The following SAMD3 variants were observed in gnomAD, a reference collection of about 807,000 sequenced individuals.
SAMD3 encodes the protein sterile alpha motif domain-containing protein 3.
A neutral mutation model predicts 58.5 loss-of-function variants in SAMD3; 63 were observed. That is an observed-to-expected ratio of 1.08 (90% CI 0.88 to 1.33). SAMD3 has a LOEUF of 1.33. SAMD3 is among the 40% of genes most tolerant of loss of function. The pLI, the probability that SAMD3 is intolerant of heterozygous loss-of-function variation, is 0.00. For missense variants in SAMD3, 604 were observed against 608.4 expected (o/e 0.99, Z 0.08); for synonymous variants, 220 against 210.3 (o/e 1.05, Z -0.40).
chr6:130,145,840 GA>G (rs1788571323), intron 10 of SAMD3, among the ~76,000 whole-genome samples, 169 bp downstream of exon 10: 1 of 151,066 alleles, frequency 6.6e-6, no homozygotes, highest in Non-Finnish European at 1.5e-5. Flanking sequence ...CTTAAATATT[GA>G]AAATTATTAT....
At chr6:130,154,058 TAAC>T (rs1379651081) in intron 9 of SAMD3, among the ~76,000 whole-genome samples, 2 of 151,960 alleles carry the variant, frequency 1.3e-5, no homozygotes, top group African/African-American at 2.4e-5. Flanking sequence ...GGATGCATAA[TAAC>T]AGTTCCTTAA....
At chr6:130,312,413 T>G (rs1350369505) in intron 2 of SAMD3, among the ~76,000 whole-genome samples, 1 of 152,198 alleles carries the variant, frequency 6.6e-6, no homozygotes, top group Non-Finnish European at 1.5e-5. Flanking sequence ...CGGTGCTCTT[T>G]CCTCCTCAGG....
chr6:130,169,374 T>C (rs1199580056), intron 8 of SAMD3, among the ~76,000 whole-genome samples: 1 of 152,078 alleles, frequency 6.6e-6, no homozygotes, highest in Non-Finnish European at 1.5e-5. Context: ...TTACAGAACA[T>C]GAGAGCATAA....
chr6:130,299,578 C>T (rs939676293), intron 2 of SAMD3, among the ~76,000 whole-genome samples: 9 of 151,832 alleles, frequency 5.9e-5, no homozygotes, highest in Non-Finnish European at 1.3e-4. Context: ...AAAGCAAACA[C>T]AAAGCTAACA....
At chr6:130,355,685 G>T (rs1777807601) in intron 1 of SAMD3, among the ~76,000 whole-genome samples, 1 of 152,122 alleles carries the variant, frequency 6.6e-6, no homozygotes, top group Admixed American at 6.5e-5. Flanking sequence ...TGCTTCAGTG[G>T]GGTAGTCCCC....
At chr6:130,259,423 G>A (rs1054895700) in intron 2 of SAMD3, among the ~76,000 whole-genome samples, 13 of 152,126 alleles carry the variant, frequency 8.5e-5, no homozygotes, top group Non-Finnish European at 1.8e-4. Context: ...GGGAATGAAT[G>A]CAGTGAGAAC....
intron 5 of SAMD3, among the ~76,000 whole-genome samples, chr6:130,195,566 C>G (rs1230029312): frequency 6.6e-6 from 1 of 152,174 alleles, no homozygotes; most frequent in Non-Finnish European, 1.5e-5. Context: ...CTCTACAACC[C>G]ATTATTCTGT....
At chr6:130,220,294 T>C (rs1042302514) in intron 1 of SAMD3, among the ~76,000 whole-genome samples, 4 of 152,182 alleles carry the variant, frequency 2.6e-5, no homozygotes, top group African/African-American at 9.7e-5. Flanking sequence ...GCCACTAGCC[T>C]GGCCAATTTT....
chr6:130,331,395 G>C (rs1452040544), intron 1 of SAMD3, among the ~76,000 whole-genome samples: 1 of 152,170 alleles, frequency 6.6e-6, no homozygotes, highest in Non-Finnish European at 1.5e-5. Context: ...GAGTTGATGA[G>C]GAAAGTCATA....
rs992237836 is a variant in SAMD3, at chr6:130,251,189, A to G, written c.-187-28376T>C. ...AGTTGCATTTCCATTATGGATAGAGACACATCTCTGTATGCATCTATGGGC... is the reference window on the plus strand; with the variant it reads ...AGTTGCATTTCCATTATGGATAGAGGCACATCTCTGTATGCATCTATGGGC... On this transcript the variant is annotated intron_variant, in intron 2 of 13. Transcript: ENST00000368134. Among the ~76,000 whole-genome samples the G allele has an allele frequency of 3.1e-4, 47 of 152,174 alleles. 1 individual carries two copies. The highest frequency in any genetic ancestry group is 8.8e-5 in the Non-Finnish European group (6 of 68,034).
At chr6:130,233,729 G>C (rs1217740262) in intron 2 of SAMD3, among the ~76,000 whole-genome samples, 1 of 152,172 alleles carries the variant, frequency 6.6e-6, no homozygotes, top group African/African-American at 2.4e-5. Context: ...CTTATGGGCT[G>C]AATTTATAAG....
At chr6:130,306,009 A>G (rs944881946) in intron 2 of SAMD3, among the ~76,000 whole-genome samples, 4 of 152,202 alleles carry the variant, frequency 2.6e-5, no homozygotes, top group Non-Finnish European at 4.4e-5. Flanking sequence ...GTGTCCTCAC[A>G]TGGTGGAAGG....
intron 1 of SAMD3, among the ~76,000 whole-genome samples, chr6:130,359,901 A>G (rs973148448): frequency 6.6e-6 from 1 of 152,180 alleles, no homozygotes; most frequent in South Asian, 2.1e-4. Context: ...GCACTCTAAC[A>G]TGAGTCATGT....
intron 2 of SAMD3, among the ~76,000 whole-genome samples, chr6:130,270,985 CTTGTTTTTT>C (rs1412141920): frequency 1.9e-5 from 2 of 106,132 alleles, no homozygotes; most frequent in African/African-American, 1.7e-4. Context: ...TGTACCCAAT[CTTGTTTTTT>C]TTGTTTTTTT....
chr6:130,301,436 G>T (rs11962431), intron 2 of SAMD3, among the ~76,000 whole-genome samples: 1 of 151,890 alleles, frequency 6.6e-6, no homozygotes, highest in African/African-American at 2.4e-5. Context: ...CACCGATGGC[G>T]CAAACAAATG....
chr6:130,180,588 C>T (rs71572916), intron 7 of SAMD3, among the ~76,000 whole-genome samples: 5,908 of 152,238 alleles, frequency 0.039, 165 homozygotes, highest in Non-Finnish European at 0.061. Flanking sequence ...CAGCCAGTGA[C>T]GTGATGTTGC....
intron 1 of SAMD3, among the ~76,000 whole-genome samples, chr6:130,323,802 C>CAAAAAAA (rs766078214): frequency 0.081 from 4,317 of 53,360 alleles, 893 homozygotes; most frequent in African/African-American, 0.27. Flanking sequence ...GACTCTGTCT[C>CAAAAAAA]AAAAAAAAAA....
At chr6:130,162,379 G>A (rs1057429402) in intron 8 of SAMD3, 9 of 650,576 alleles carry the variant, frequency 1.4e-5, no homozygotes, top group Admixed American at 2.4e-5. Flanking sequence ...TGTAGTTATA[G>A]CTTTTTTATC....
At chr6:130,170,927 C>T (rs1285779949) in intron 8 of SAMD3, among the ~76,000 whole-genome samples, 1 of 152,166 alleles carries the variant, frequency 6.6e-6, no homozygotes, top group Admixed American at 6.5e-5. Context: ...TTTGAATACT[C>T]TTTATTTCTT....
Sources: gnomAD v4.1 joint callset for allele counts (sites outside exome capture counted in the v4.1 genomes callset) on GRCh38, gnomAD v4.1.1 for gene constraint, MANE v1.5 for transcripts, NCBI Gene and HGNC (gene_info 2026-07-23, HGNC 2026-07-21) for gene names.